Variants in CACNA2D3 observed in about 807,000 individuals in gnomAD.
CACNA2D3 encodes calcium voltage-gated channel auxiliary subunit alpha2delta 3, also known as voltage-dependent calcium channel subunit alpha-2/delta-3.
A neutral mutation model predicts 160.6 loss-of-function variants in CACNA2D3; 60 were observed. The ratio of observed to expected loss-of-function variants is 0.37; its 90% CI spans 0.30 to 0.46. CACNA2D3 has a LOEUF of 0.46. Ranked by LOEUF, CACNA2D3 falls within the 20% of genes least tolerant of loss-of-function variation. The pLI, the probability that CACNA2D3 is intolerant of heterozygous loss-of-function variation, is 1.00. For missense variants in CACNA2D3, 1,205 were observed against 1,365.0 expected (o/e 0.88, Z 1.85); for synonymous variants, 558 against 492.9 (o/e 1.13, Z -1.75).
chr3:55,012,432 T>C (rs1331277527), intron 34 of CACNA2D3, among the ~76,000 whole-genome samples: 3 of 152,174 alleles, frequency 2.0e-5, no homozygotes, highest in Admixed American at 2.0e-4. Context: ...CGCTCCCTTC[T>C]CTTCATGTCT....
At chr3:54,942,821 G>C (rs760819998) in intron 27 of CACNA2D3, among the ~76,000 whole-genome samples, 2 of 152,102 alleles carry the variant, frequency 1.3e-5, no homozygotes, top group Non-Finnish European at 2.9e-5. Context: ...TCAGGAGATT[G>C]AGACAATCCT....
chr3:54,653,771 G>T (rs780712763), intron 11 of CACNA2D3, among the ~76,000 whole-genome samples: 1 of 152,168 alleles, frequency 6.6e-6, no homozygotes, highest in Non-Finnish European at 1.5e-5. Flanking sequence ...CCCCTGTGGT[G>T]GAAACTGTGG....
At chr3:54,336,649 G>C (rs1281389958) in intron 3 of CACNA2D3, among the ~76,000 whole-genome samples, 1 of 152,138 alleles carries the variant, frequency 6.6e-6, no homozygotes, top group Non-Finnish European at 1.5e-5. Flanking sequence ...ATTAAGTAAA[G>C]GTGAGGTGAG....
At chr3:54,310,035 A>C (rs1210713434) in intron 2 of CACNA2D3, among the ~76,000 whole-genome samples, 1 of 151,962 alleles carries the variant, frequency 6.6e-6, no homozygotes, top group Non-Finnish European at 1.5e-5. Flanking sequence ...TTGACAGAAA[A>C]ATTGCATTCC....
intron 11 of CACNA2D3, among the ~76,000 whole-genome samples, chr3:54,717,402 A>G (rs1245757616): frequency 6.6e-6 from 1 of 152,016 alleles, no homozygotes; most frequent in Non-Finnish European, 1.5e-5. Flanking sequence ...AATTCTGCCA[A>G]ACACCTTTCC....
At chr3:55,037,105 A>G (rs1044997421) in intron 35 of CACNA2D3, among the ~76,000 whole-genome samples, 12 of 152,184 alleles carry the variant, frequency 7.9e-5, no homozygotes, top group African/African-American at 2.4e-4. Flanking sequence ...CCTGGATTTC[A>G]TTACCCAAAG....
At chr3:54,386,588 G>T in intron 3 of CACNA2D3, 127 bp from the exon 4 acceptor site, 1 of 753,256 alleles carries the variant, frequency 1.3e-6, no homozygotes, top group African/African-American at 1.8e-5. Context: ...TTTCATGGGA[G>T]CAAAGGCATC....
intron 3 of CACNA2D3, among the ~76,000 whole-genome samples, chr3:54,327,818 GTATA>G (rs920509530): frequency 1.4e-4 from 21 of 152,078 alleles, no homozygotes; most frequent in Non-Finnish European, 2.2e-4. Context: ...TTGTGCATGA[GTATA>G]TAGATATGTG....
intron 17 of CACNA2D3, among the ~76,000 whole-genome samples, chr3:54,868,372 C>G (rs1699450563): frequency 6.6e-6 from 1 of 152,156 alleles, no homozygotes; most frequent in Non-Finnish European, 1.5e-5. Context: ...CGATCTGTAT[C>G]TTGCCATGAA....
At chr3:54,432,499 G>T (rs1700004277) in intron 4 of CACNA2D3, among the ~76,000 whole-genome samples, 1 of 152,008 alleles carries the variant, frequency 6.6e-6, no homozygotes, top group Admixed American at 6.6e-5. Context: ...CGAAAAACAT[G>T]CTCTTTCCCT....
intron 5 of CACNA2D3, among the ~76,000 whole-genome samples, chr3:54,515,396 C>G (rs1483948866): frequency 3.8e-4 from 1 of 2,658 alleles, no homozygotes; most frequent in Non-Finnish European, 0.012. Context: ...AGTTGAGTTA[C>G]AAAGCTGCGC....
rs1430517738 is a variant in CACNA2D3, at chr3:54,436,493, G to C, written c.381+49719G>C. 2.0e-5 allele frequency among the ~76,000 whole-genome samples: 3 copies of C among 152,162 alleles called. No homozygotes were observed. The East Asian group carries it at 5.8e-4, about 29-fold the overall frequency. ...CACATGCACACATATGTTTATTGCA[G>C]CACTATTTACAATAGCAAAGACGTG... On this transcript the variant is annotated intron_variant, in intron 4 of 37. Transcript: ENST00000474759.
At chr3:54,222,636 T>G (rs1701597118) in intron 2 of CACNA2D3, among the ~76,000 whole-genome samples, 1 of 152,252 alleles carries the variant, frequency 6.6e-6, no homozygotes, top group South Asian at 2.1e-4. Flanking sequence ...AATGTCTTTA[T>G]TGACCTTAGG....
chr3:54,134,712 G>A (rs531628107), intron 2 of CACNA2D3, among the ~76,000 whole-genome samples: 1 of 152,258 alleles, frequency 6.6e-6, no homozygotes, highest in Admixed American at 6.5e-5. Context: ...AGCAGGGACT[G>A]CCAGACAGCA....
intron 2 of CACNA2D3, among the ~76,000 whole-genome samples, chr3:54,188,540 T>C (rs1700924976): frequency 6.6e-6 from 1 of 152,196 alleles, no homozygotes; most frequent in Non-Finnish European, 1.5e-5. Context: ...GCCAGGTGCC[T>C]CAGAGTCCAT....
chr3:54,527,366 C>T (rs184862281), intron 5 of CACNA2D3, among the ~76,000 whole-genome samples: 229 of 152,318 alleles, frequency 1.5e-3, no homozygotes, highest in African/African-American at 4.6e-3. Context: ...CTCCCAGCCT[C>T]CCCTGGGCAC....
intron 12 of CACNA2D3, among the ~76,000 whole-genome samples, chr3:54,755,533 A>G (rs1015371549): frequency 6.6e-6 from 1 of 152,164 alleles, no homozygotes; most frequent in South Asian, 2.1e-4. Flanking sequence ...ACCTTCTGCA[A>G]TTGTGTTTCG....
chr3:54,518,498 A>G (rs1442372305), intron 5 of CACNA2D3, among the ~76,000 whole-genome samples: 1 of 152,140 alleles, frequency 6.6e-6, no homozygotes, highest in Non-Finnish European at 1.5e-5. Flanking sequence ...TCATGCACCC[A>G]GCACCTGTGT....
chr3:54,210,346 G>C (rs370448117), intron 2 of CACNA2D3, among the ~76,000 whole-genome samples: 1 of 152,232 alleles, frequency 6.6e-6, no homozygotes, highest in African/African-American at 2.4e-5. Context: ...CAGTTCTTAG[G>C]TAATAAGATT....
Sources: allele counts gnomAD v4.1 joint callset (sites outside exome capture counted in the v4.1 genomes callset), GRCh38; gene constraint gnomAD v4.1.1; transcripts MANE v1.5; gene names NCBI Gene and HGNC (gene_info 2026-07-23, HGNC 2026-07-21).